CAMK2D: variants seen among roughly 807,000 people sequenced by gnomAD.
CAMK2D encodes the protein calcium/calmodulin-dependent protein kinase type II subunit delta.
CAMK2D carries 37 observed loss-of-function variants against 84.0 expected under a neutral mutation model. That is an observed-to-expected ratio of 0.44 (90% CI 0.34 to 0.58). The LOEUF (loss-of-function observed/expected upper bound fraction) is 0.58. Ranked by LOEUF, CAMK2D falls within the 20% of genes least tolerant of loss-of-function variation. The probability of loss-of-function intolerance (pLI) is 0.02; values close to 1 mark genes in which losing one functional copy is unlikely to be tolerated. For synonymous variants in CAMK2D, 202 were observed against 212.5 expected, an observed-to-expected ratio of 0.95 and a Z score of 0.43; for missense variants, 448 against 652.5, an observed-to-expected ratio of 0.69 and a Z score of 3.41.
chr4:113,620,548 A>AC (rs2099041406), intron 3 of CAMK2D, among the ~76,000 whole-genome samples: 1 of 149,668 alleles, frequency 6.7e-6, no homozygotes, highest in South Asian at 2.1e-4. Flanking sequence ...TCACTCTGTC[A>AC]CCAGGCTGGA....
At chr4:113,461,539 G>C (rs2097373428) in intron 17 of CAMK2D, among the ~76,000 whole-genome samples, 1 of 152,130 alleles carries the variant, frequency 6.6e-6, no homozygotes, top group South Asian at 2.1e-4. Flanking sequence ...ATGGAAAGCA[G>C]GGTCACTGTG....
At chr4:113,697,009 A>T (rs1350271379) in intron 2 of CAMK2D, among the ~76,000 whole-genome samples, 2 of 152,148 alleles carry the variant, frequency 1.3e-5, no homozygotes, top group African/African-American at 4.8e-5. Context: ...ACAAAGAAGC[A>T]CAATGTCCCT....
chr4:113,572,055 A>G (rs544279522), intron 4 of CAMK2D, among the ~76,000 whole-genome samples: 5 of 149,836 alleles, frequency 3.3e-5, no homozygotes, highest in African/African-American at 1.2e-4. Flanking sequence ...AAACCCTGCA[A>G]CATGAAAACA....
chr4:113,652,342 C>T (rs1250798917), intron 3 of CAMK2D, among the ~76,000 whole-genome samples: 1 of 152,150 alleles, frequency 6.6e-6, no homozygotes, highest in African/African-American at 2.4e-5. Context: ...ATAGTTTTAT[C>T]ATTAGTTCTA....
intron 12 of CAMK2D, among the ~76,000 whole-genome samples, chr4:113,511,757 AT>A (rs774521336): frequency 1.9e-4 from 29 of 152,326 alleles, no homozygotes; most frequent in Middle Eastern, 3.4e-3. Context: ...CACTAAATGA[AT>A]TGGACAAAAT....
intron 2 of CAMK2D, among the ~76,000 whole-genome samples, chr4:113,668,521 A>C (rs2099266447): frequency 6.6e-6 from 1 of 152,242 alleles, no homozygotes; most frequent in Non-Finnish European, 1.5e-5. Context: ...AAATGTGTCC[A>C]ACTTTAAAAG....
rs1561671882 is a variant in CAMK2D, at chr4:113,661,733, A to C, written c.200T>G (p.Leu67Arg). 1 of 1,502,332 alleles carries C rather than the reference A, an allele frequency of 6.7e-7. No individual in the cohort carries two copies. Among genetic ancestry groups the C allele is most frequent in the Non-Finnish European group, 9.0e-7 (1 of 1,108,970 alleles). The allele number at this position is 1,502,332 out of a possible 1,614,324, so 93.1% of individuals were successfully genotyped here. The change falls in exon 3 of 21, where the codon CTT becomes CGT. Residue 67 changes from leucine (L) to arginine (R), a missense_variant. Coordinates refer to ENST00000511664, the MANE Select transcript of CAMK2D (RefSeq NM_001321571.2). ...KLEREARICR[L>R]LKHPNIVRLH... ...CTCACCAATATTAGGGTGCTTCAAA[A>C]GACGGCAGATTCTAGCTTCTCTTTC...
At chr4:113,694,845 T>C (rs1364717869) in intron 2 of CAMK2D, among the ~76,000 whole-genome samples, 2 of 152,170 alleles carry the variant, frequency 1.3e-5, no homozygotes, top group African/African-American at 4.8e-5. Context: ...TTCTACTAAT[T>C]AGCAAATTTT....
At chr4:113,757,936 G>GA (rs2099632308) in intron 2 of CAMK2D, among the ~76,000 whole-genome samples, 1 of 152,060 alleles carries the variant, frequency 6.6e-6, no homozygotes, top group Non-Finnish European at 1.5e-5. Context: ...GATTTGTTTT[G>GA]AAAGAAACAC....
chr4:113,580,210 T>C (rs2098801461), intron 4 of CAMK2D, among the ~76,000 whole-genome samples: 1 of 152,232 alleles, frequency 6.6e-6, no homozygotes, highest in Admixed American at 6.5e-5. Flanking sequence ...GAAAATGACA[T>C]GTTTGATGTG....
chr4:113,658,280 A>T (rs2099211162), intron 3 of CAMK2D, among the ~76,000 whole-genome samples: 1 of 152,304 alleles, frequency 6.6e-6, no homozygotes, highest in South Asian at 2.1e-4. Context: ...GAGATTCATC[A>T]ATTAAGGTAA....
At chr4:113,575,162 T>C (rs903482303) in intron 4 of CAMK2D, among the ~76,000 whole-genome samples, 1 of 152,160 alleles carries the variant, frequency 6.6e-6, no homozygotes, top group African/African-American at 2.4e-5. Context: ...TTTGCTGTCT[T>C]AAGGAACTTA....
At chr4:113,571,248 A>T (rs557855781) in intron 4 of CAMK2D, among the ~76,000 whole-genome samples, 2 of 152,312 alleles carry the variant, frequency 1.3e-5, no homozygotes, top group East Asian at 1.9e-4. Flanking sequence ...TCAATAATTT[A>T]AAAAATAGAA....
At chr4:113,712,778 GA>G (rs2099498001) in intron 2 of CAMK2D, among the ~76,000 whole-genome samples, 1 of 149,290 alleles carries the variant, frequency 6.7e-6, no homozygotes, top group Admixed American at 6.7e-5. Context: ...TTTCCAAAAA[GA>G]AAAAAAAGGG....
At chr4:113,645,430 T>G (rs796724826) in intron 3 of CAMK2D, among the ~76,000 whole-genome samples, 138 of 152,288 alleles carry the variant, frequency 9.1e-4, no homozygotes, top group African/African-American at 3.2e-3. Context: ...TCTGTGGCTG[T>G]TTTTGTGCTA....
At chr4:113,681,410 T>C (rs538245099) in intron 2 of CAMK2D, among the ~76,000 whole-genome samples, 1 of 152,284 alleles carries the variant, frequency 6.6e-6, no homozygotes, top group South Asian at 2.1e-4. Flanking sequence ...TGCCGCCATG[T>C]GAAGAAGGAT....
intron 2 of CAMK2D, among the ~76,000 whole-genome samples, chr4:113,723,700 A>T (rs2040745): frequency 0.13 from 20,091 of 152,142 alleles, 1,425 homozygotes; most frequent in East Asian, 0.21. Context: ...CATATATATA[A>T]AATGAGCAAA....
intron 3 of CAMK2D, among the ~76,000 whole-genome samples, chr4:113,614,116 T>C (rs2099012093): frequency 6.6e-6 from 1 of 152,124 alleles, no homozygotes; most frequent in South Asian, 2.1e-4. Context: ...ACAAAGTCAA[T>C]GTTTTCTATT....
intron 7 of CAMK2D, among the ~76,000 whole-genome samples, chr4:113,532,866 T>A (rs965925909): frequency 1.3e-5 from 2 of 152,004 alleles, no homozygotes; most frequent in Non-Finnish European, 2.9e-5. Flanking sequence ...TCCTCAATAT[T>A]TTTTCTCTAC....
Sources: gnomAD v4.1 joint callset for allele counts (sites outside exome capture counted in the v4.1 genomes callset) on GRCh38, gnomAD v4.1.1 for gene constraint, MANE v1.5 for transcripts, NCBI Gene and HGNC (gene_info 2026-07-23, HGNC 2026-07-21) for gene names.